The following NRP2 variants were observed in gnomAD, a reference collection of about 807,000 sequenced individuals.
The protein encoded by NRP2 is neuropilin-2.
NRP2 carries 52 observed loss-of-function variants against 110.4 expected under a neutral mutation model. The observed-to-expected ratio is 0.47, with a 90% CI of 0.38 to 0.59. The LOEUF (loss-of-function observed/expected upper bound fraction) is 0.59, where lower values mean the gene tolerates loss of function less well. Ranked by LOEUF, NRP2 falls within the 20% of genes least tolerant of loss-of-function variation. NRP2 has a pLI of 0.00. For missense variants in NRP2, 1,049 were observed against 1,203.0 expected, an observed-to-expected ratio of 0.87 and a Z score of 1.89; for synonymous variants, 508 against 468.9, an observed-to-expected ratio of 1.08 and a Z score of -1.08.
At chr2:205,733,252 C>T (rs1326236790) in intron 7 of NRP2, among the ~76,000 whole-genome samples, 3 of 152,290 alleles carry the variant, frequency 2.0e-5, no homozygotes, top group East Asian at 1.9e-4. Context: ...ACCCAGCTCC[C>T]GTGGGTGCTG....
chr2:205,700,924 AG>A (rs1285761367), intron 2 of NRP2: 1 of 335,024 alleles, frequency 3.0e-6, no homozygotes, highest in Non-Finnish European at 6.0e-6. Context: ...CTGCAGCCAA[AG>A]GACAAAAGGG....
chr2:205,688,143 AAAG>A (rs1472428957), intron 1 of NRP2, among the ~76,000 whole-genome samples: 1 of 152,258 alleles, frequency 6.6e-6, no homozygotes, highest in Non-Finnish European at 1.5e-5. Context: ...AGATAGAGCA[AAAG>A]AAGAATATCT....
At chr2:205,706,266 T>G (rs558216685) in intron 2 of NRP2, among the ~76,000 whole-genome samples, 1 of 151,320 alleles carries the variant, frequency 6.6e-6, no homozygotes, top group South Asian at 2.1e-4. Flanking sequence ...GAGCGAGACA[T>G]GTAAACAGTC....
At chr2:205,741,863 G>T (rs955298573) in intron 8 of NRP2, among the ~76,000 whole-genome samples, 2 of 152,204 alleles carry the variant, frequency 1.3e-5, no homozygotes, top group Admixed American at 6.5e-5. Flanking sequence ...GTGGGCCAGG[G>T]ACTGATAAGG....
At chr2:205,700,131 G>A (rs2056521597) in intron 2 of NRP2, among the ~76,000 whole-genome samples, 1 of 152,160 alleles carries the variant, frequency 6.6e-6, no homozygotes, top group South Asian at 2.1e-4. Flanking sequence ...ACTTTCTTGT[G>A]AAAGGAACAA....
chr2:205,684,523 A>G (rs1296981626), intron 1 of NRP2, among the ~76,000 whole-genome samples: 2 of 152,148 alleles, frequency 1.3e-5, no homozygotes, highest in African/African-American at 4.8e-5. Flanking sequence ...AGTGGATCCT[A>G]GCCTTGCATC....
rs1199724646 is a variant in NRP2 at position 205,686,797 on chromosome 2, C to T, written c.73+3434C>T. Among the ~76,000 whole-genome samples, 3 of 152,112 alleles carry T rather than the reference C, an allele frequency of 2.0e-5. No individual in the cohort carries two copies. In the East Asian group the frequency reaches 5.8e-4, roughly 29 times the overall value. ...CCACGCTCAGGTTTATTGGCGTGTG[C>T]TCCCTGCTCGGCTCCCCTCCCTCCA... is the stretch of plus-strand genomic sequence containing the variant. On this transcript the variant is annotated intron_variant, in intron 1 of 16. Transcript: ENST00000357785. The surrounding 1 kb of genome is among the most constrained non-coding windows in gnomAD (Gnocchi z 4.7).
chr2:205,773,592 T>G (rs1200152493), intron 15 of NRP2, among the ~76,000 whole-genome samples: 5 of 152,180 alleles, frequency 3.3e-5, no homozygotes, highest in Non-Finnish European at 4.4e-5. Flanking sequence ...TATGTCTGTG[T>G]CTCTGATTCT....
intron 1 of NRP2, among the ~76,000 whole-genome samples, chr2:205,690,881 C>T (rs1301318978): frequency 1.3e-5 from 2 of 152,182 alleles, no homozygotes; most frequent in South Asian, 2.1e-4. Context: ...ACTAACTCTA[C>T]CTTGACCTAC....
chr2:205,765,427 G>A (rs1229970990), intron 13 of NRP2, 47 bp from the exon 14 acceptor site: 1 of 1,512,010 alleles, frequency 6.6e-7, no homozygotes, highest in South Asian at 1.1e-5. Flanking sequence ...GCACCGTTTG[G>A]ACTAGGAGAC....
chr2:205,683,377 A>AC lies in NRP2; in HGVS notation c.73+14_73+15insC, dbSNP rs753094082. On this transcript the variant is annotated intron_variant, in intron 1 of 16. Coordinates refer to ENST00000357785, the MANE Select transcript of NRP2 (RefSeq NM_003872.3). ...GAGGCCAACCAGGTAAGCCACTGAA[A>AC]GTTTTTCTATTTATTGCAACATGGT... is the stretch of plus-strand genomic sequence containing the variant. The AC allele has an allele frequency of 2.5e-6, 4 of 1,601,102 alleles. No individual in the cohort carries two copies. The Admixed American group carries it at 5.0e-5, about 20-fold the overall frequency.
chr2:205,735,531 T>C (rs2057327741), intron 7 of NRP2, among the ~76,000 whole-genome samples: 1 of 130,600 alleles, frequency 7.7e-6, no homozygotes, highest in Admixed American at 7.2e-5. Flanking sequence ...GAATATATTC[T>C]ATAATATATA....
chr2:205,768,888 AGAATTTCAT>A (rs1180250974), intron 15 of NRP2, among the ~76,000 whole-genome samples: 17 of 152,344 alleles, frequency 1.1e-4, no homozygotes, highest in African/African-American at 3.8e-4. Context: ...TTGGGAATGG[AGAATTTCAT>A]TCACCTTGGC....
intron 2 of NRP2, 70 bp downstream of exon 2, chr2:205,697,791 T>C (rs2056466731): frequency 3.4e-6 from 5 of 1,454,322 alleles, no homozygotes; most frequent in Non-Finnish European, 4.8e-6. Flanking sequence ...ACCCCTGCTC[T>C]TGTCACTTCT....
intron 1 of NRP2, among the ~76,000 whole-genome samples, chr2:205,697,055 C>G (rs935182486): frequency 2.6e-5 from 4 of 152,094 alleles, no homozygotes; most frequent in African/African-American, 9.7e-5. Flanking sequence ...GCTTGTGGGT[C>G]GGCACCACAA....
At chr2:205,776,154 G>T in intron 15 of NRP2, 1 of 1,268,678 alleles carries the variant, frequency 7.9e-7, no homozygotes. Flanking sequence ...ATGTCCCAAA[G>T]CATGTGTGTG....
At chr2:205,707,350 G>A (rs2056700722) in intron 2 of NRP2, among the ~76,000 whole-genome samples, 2 of 152,240 alleles carry the variant, frequency 1.3e-5, no homozygotes, top group African/African-American at 4.8e-5. Flanking sequence ...CGTGGCAGCA[G>A]CCCTTTCCTG....
rs2057474030 is a variant in NRP2, at chr2:205,743,220, A to G, written c.1309A>G (p.Met437Val). ...CRVTDAPCSN[M>V]LGMLSGLIAD... is the part of the protein sequence containing the mutation. ...CTCTGCAGATGCTCCCTGCTCCAAC[A>G]TGCTGGGGATGCTCTCAGGCCTCAT... Residue 437 changes from methionine to valine, a missense_variant, in exon 9 of 17, where the codon ATG becomes GTG. By Grantham distance (21) the Met-to-Val change is conservative. Transcript: ENST00000357785. 1 of 1,613,178 alleles carries G rather than the reference A, an allele frequency of 6.2e-7. No individual in the cohort carries two copies. The highest frequency in any genetic ancestry group is 8.5e-7 in the Non-Finnish European group (1 of 1,180,016).
chr2:205,734,447 T>C (rs2057306234), intron 7 of NRP2, among the ~76,000 whole-genome samples: 1 of 138,954 alleles, frequency 7.2e-6, no homozygotes, highest in Non-Finnish European at 1.5e-5. Flanking sequence ...TACTTGACTG[T>C]TTTGTGCAAC....
Sources: allele counts gnomAD v4.1 joint callset (sites outside exome capture counted in the v4.1 genomes callset), GRCh38; gene constraint gnomAD v4.1.1; non-coding constraint Gnocchi (gnomAD v3.1); transcripts MANE v1.5; gene names NCBI Gene and HGNC (gene_info 2026-07-23, HGNC 2026-07-21).